The following SVOP variants were observed in gnomAD, a reference collection of about 807,000 sequenced individuals.
SVOP encodes the protein SV2 related protein.
Under a neutral mutation model 69.1 loss-of-function variants are expected in SVOP, and 17 were observed. The observed-to-expected ratio is 0.25, with a 90% CI of 0.17 to 0.37. The LOEUF is 0.37. Ranked by LOEUF, SVOP falls within the 10% of genes least tolerant of loss-of-function variation. The pLI is 1.00. For missense variants in SVOP, 435 were observed against 597.5 expected (o/e 0.73, Z 2.84); for synonymous variants, 238 against 238.6 (o/e 1.00, Z 0.02).
chr12:108,985,042 C>G (rs2040159544), intron 1 of SVOP, among the ~76,000 whole-genome samples: 1 of 151,822 alleles, frequency 6.6e-6, no homozygotes, highest in Non-Finnish European at 1.5e-5. Context: ...GCCTGGGCAA[C>G]ATAGTGAGAT....
chr12:109,009,769 G>A (rs1402284136), intron 1 of SVOP, among the ~76,000 whole-genome samples: 1 of 152,096 alleles, frequency 6.6e-6, no homozygotes, highest in Non-Finnish European at 1.5e-5. Context: ...CATCGGCAAT[G>A]TCTAGAGACA....
At chr12:108,923,377 T>C (rs2039761855) in intron 11 of SVOP, among the ~76,000 whole-genome samples, 1 of 152,146 alleles carries the variant, frequency 6.6e-6, no homozygotes, top group Admixed American at 6.5e-5. Context: ...GGGGAGCCTC[T>C]AGTTGCTGAG....
At chr12:108,919,611 C>A (rs1476023096) in intron 13 of SVOP, 64 bp downstream of exon 13, 14 of 1,363,412 alleles carry the variant, frequency 1.0e-5, no homozygotes, top group Non-Finnish European at 1.4e-5. Context: ...TGGGCCTGCA[C>A]CCACACCTGC....
intron 11 of SVOP, among the ~76,000 whole-genome samples, chr12:108,931,532 G>T (rs1394633675): frequency 6.6e-6 from 1 of 152,088 alleles, no homozygotes; most frequent in East Asian, 1.9e-4. Context: ...ATGGGTCTGG[G>T]CACTGTTTAA....
intron 6 of SVOP, among the ~76,000 whole-genome samples, chr12:108,946,128 C>G (rs1379496425): frequency 6.6e-6 from 1 of 151,982 alleles, no homozygotes; most frequent in Non-Finnish European, 1.5e-5. Flanking sequence ...AGGGTGTCAC[C>G]CTATCCCCAG....
intron 1 of SVOP, among the ~76,000 whole-genome samples, chr12:109,006,510 A>G (rs1177149214): frequency 6.6e-6 from 1 of 152,208 alleles, no homozygotes; most frequent in Non-Finnish European, 1.5e-5. Context: ...TGGCAGCCCC[A>G]GGGTTTGTCA....
chr12:108,981,747 G>C (rs2040136187), intron 2 of SVOP, among the ~76,000 whole-genome samples: 1 of 152,166 alleles, frequency 6.6e-6, no homozygotes, highest in Non-Finnish European at 1.5e-5. Context: ...AAACTGGTTA[G>C]AGCAGTGCCT....
intron 6 of SVOP, among the ~76,000 whole-genome samples, chr12:108,955,116 C>T (rs2039978013): frequency 6.6e-6 from 1 of 152,186 alleles, no homozygotes; most frequent in Non-Finnish European, 1.5e-5. Context: ...CTCATTCTAC[C>T]ATCTTGAACA....
At chr12:108,931,006 C>T (rs1383774026) in intron 11 of SVOP, among the ~76,000 whole-genome samples, 1 of 152,202 alleles carries the variant, frequency 6.6e-6, no homozygotes, top group Non-Finnish European at 1.5e-5. Context: ...TTGCTAACCC[C>T]TGTTTTACGA....
intron 7 of SVOP, among the ~76,000 whole-genome samples, chr12:108,944,040 G>A (rs1277303623): frequency 6.6e-6 from 1 of 151,944 alleles, no homozygotes; most frequent in Non-Finnish European, 1.5e-5. Context: ...CACCACACCT[G>A]ACTAACTTTT....
intron 6 of SVOP, among the ~76,000 whole-genome samples, chr12:108,948,742 C>T (rs2137412996): frequency 6.6e-6 from 1 of 152,218 alleles, no homozygotes; most frequent in East Asian, 1.9e-4. Context: ...AAGTGGTTCT[C>T]CAAAAAGTTG....
chr12:108,985,517 C>A (rs1211690554), intron 1 of SVOP, among the ~76,000 whole-genome samples: 1 of 150,370 alleles, frequency 6.7e-6, no homozygotes, highest in African/African-American at 2.4e-5. Context: ...ACAAAAAATA[C>A]AAAAATTAGC....
At chr12:108,991,096 C>T (rs965098013) in intron 1 of SVOP, among the ~76,000 whole-genome samples, 9 of 152,168 alleles carry the variant, frequency 5.9e-5, no homozygotes, top group Non-Finnish European at 1.3e-4. Context: ...TACAACTCAC[C>T]GTCCTACCCT....
chr12:108,914,243 A>G (rs2039701059), intron 15 of SVOP, among the ~76,000 whole-genome samples: 1 of 152,182 alleles, frequency 6.6e-6, no homozygotes, highest in Non-Finnish European at 1.5e-5. Context: ...CCAGGGGTTT[A>G]TTTTGGGGTG....
chr12:108,946,690 T>TTATTATTA, intron 6 of SVOP, among the ~76,000 whole-genome samples: 1 of 136,520 alleles, frequency 7.3e-6, no homozygotes, highest in Admixed American at 7.3e-5. Flanking sequence ...GCAACCTGTT[T>TTATTATTA]TTATTATTAT....
rs1186646837 is a variant in SVOP, at chr12:108,908,924, T to C, written c.*3611A>G. ...GGGCATGACACCCAGGTCTGATCAATGAGAAGCAATGGTAAATCTGCCAGG... is the reference window on the plus strand; with the variant it reads ...GGGCATGACACCCAGGTCTGATCAACGAGAAGCAATGGTAAATCTGCCAGG... On this transcript the variant is annotated 3_prime_UTR_variant, in exon 16 of 16. Coordinates refer to ENST00000610966, the MANE Select transcript of SVOP (RefSeq NM_018711.5). 1 of 152,198 alleles carries C rather than the reference T, an allele frequency of 6.6e-6. No homozygotes were observed. Among genetic ancestry groups the C allele is most frequent in the Non-Finnish European group, 1.5e-5 (1 of 68,050 alleles). 9.4% of individuals were successfully genotyped at this position (152,198 alleles called of 1,614,324 possible).
At chr12:108,952,410 T>A (rs778863062) in intron 6 of SVOP, among the ~76,000 whole-genome samples, 8 of 151,668 alleles carry the variant, frequency 5.3e-5, no homozygotes, top group Non-Finnish European at 8.8e-5. Context: ...AATTTTTATA[T>A]TTTTTAGTAG....
chr12:109,013,598 C>T (rs1000772115), intron 1 of SVOP, among the ~76,000 whole-genome samples: 2 of 152,044 alleles, frequency 1.3e-5, no homozygotes, highest in South Asian at 2.1e-4. Context: ...CCATGTTGGC[C>T]AGGCTGATCT....
intron 14 of SVOP, among the ~76,000 whole-genome samples, chr12:108,917,235 T>A (rs2039719457): frequency 6.6e-6 from 1 of 152,266 alleles, no homozygotes; most frequent in Non-Finnish European, 1.5e-5. Flanking sequence ...GTCACATTTT[T>A]ATGTATATTC....
Sources: allele counts gnomAD v4.1 joint callset (sites outside exome capture counted in the v4.1 genomes callset), GRCh38; gene constraint gnomAD v4.1.1; transcripts MANE v1.5; gene names NCBI Gene and HGNC (gene_info 2026-07-23, HGNC 2026-07-21).